Variants in ENOX1 observed in about 807,000 individuals in gnomAD.
ENOX1 encodes candidate growth-related and time keeping constitutive hydroquinone (NADH) oxidase.
Under a neutral mutation model 82.5 loss-of-function variants are expected in ENOX1, and 42 were observed. That is an observed-to-expected ratio of 0.51 (90% CI 0.40 to 0.66). The LOEUF is 0.66. Ranked by LOEUF, ENOX1 falls within the 30% of genes least tolerant of loss-of-function variation. The pLI is 0.00. For synonymous variants in ENOX1, 271 were observed against 282.2 expected (o/e 0.96, Z 0.40); for missense variants, 608 against 811.6 (o/e 0.75, Z 3.05).
In ENOX1 at chr13:43,262,567, C is replaced by T. The variant is rs577003019; in HGVS notation, c.1611+2831G>A. On this transcript the variant is annotated intron_variant, in intron 14 of 16. Coordinates refer to ENST00000690772, the MANE Select transcript of ENOX1 (RefSeq NM_001347969.2). ...GTTGAGACAGGGTCTCGCTCTGTCA[C>T]CTACGTTGGAGTGCAGTGGTGTGAT... 9.9e-5 allele frequency among the ~76,000 whole-genome samples: 15 copies of T among 152,280 alleles called. No individual in the cohort carries two copies. In the East Asian group the frequency reaches 2.1e-3, roughly 22 times the overall value.
intron 2 of ENOX1, among the ~76,000 whole-genome samples, chr13:43,653,332 CT>C (rs2084281477): frequency 6.6e-6 from 1 of 152,178 alleles, no homozygotes; most frequent in African/African-American, 2.4e-5. Flanking sequence ...TTATGCACAA[CT>C]TTTTAAATCC....
At chr13:43,294,618 A>G (rs1276901196) in intron 12 of ENOX1, among the ~76,000 whole-genome samples, 2 of 152,188 alleles carry the variant, frequency 1.3e-5, no homozygotes, top group African/African-American at 4.8e-5. Flanking sequence ...CAACAATCAC[A>G]TTCCTAGGAT....
chr13:43,759,298 A>T (rs571984245), intron 1 of ENOX1, among the ~76,000 whole-genome samples: 1 of 151,978 alleles, frequency 6.6e-6, no homozygotes, highest in East Asian at 1.9e-4. Context: ...CGGTTTCACC[A>T]TGTTGGCCAT....
chr13:43,353,402 C>T (rs2049938168), intron 8 of ENOX1, among the ~76,000 whole-genome samples: 1 of 152,102 alleles, frequency 6.6e-6, no homozygotes, highest in Admixed American at 6.6e-5. Context: ...TGTAATAAAT[C>T]TAAGTAAGAT....
At chr13:43,263,550 C>G (rs17538493) in intron 14 of ENOX1, among the ~76,000 whole-genome samples, 3,794 of 152,322 alleles carry the variant, frequency 0.025, 60 homozygotes, top group Non-Finnish European at 0.042. Flanking sequence ...TCAAAAAGGG[C>G]CTATGGGCTA....
intron 2 of ENOX1, among the ~76,000 whole-genome samples, chr13:43,665,810 AT>A (rs1205561226): frequency 1.3e-5 from 2 of 151,548 alleles, no homozygotes; most frequent in African/African-American, 4.8e-5. Flanking sequence ...TGCCAGCGTA[AT>A]ACCTGCCCAC....
chr13:43,711,483 G>A (rs192865279), intron 1 of ENOX1, among the ~76,000 whole-genome samples: 414 of 152,268 alleles, frequency 2.7e-3, no homozygotes, highest in Admixed American at 5.8e-3. Flanking sequence ...CTAGATCCCT[G>A]AGGAATCACC....
chr13:43,477,524 A>C (rs2058338123), intron 3 of ENOX1, among the ~76,000 whole-genome samples: 1 of 152,174 alleles, frequency 6.6e-6, no homozygotes, highest in Non-Finnish European at 1.5e-5. Context: ...TTCCATCTTC[A>C]GAAAGAGAAA....
intron 10 of ENOX1, among the ~76,000 whole-genome samples, chr13:43,323,111 C>A (rs931098880): frequency 6.6e-6 from 1 of 152,206 alleles, no homozygotes; most frequent in African/African-American, 2.4e-5. Flanking sequence ...CATAGTGCCC[C>A]TGCATGTGTG....
At chr13:43,724,462 T>A (rs367712478) in intron 1 of ENOX1, among the ~76,000 whole-genome samples, 1 of 152,236 alleles carries the variant, frequency 6.6e-6, no homozygotes, top group East Asian at 1.9e-4. Flanking sequence ...CTAGCACCTA[T>A]GCATCCCTCA....
Position 43,290,559 on chromosome 13 carries a change from T to C in ENOX1, c.1446+7787A>G, listed in dbSNP as rs568331138. On this transcript the variant is annotated intron_variant, in intron 12 of 16. Coordinates refer to ENST00000690772, the MANE Select transcript of ENOX1 (RefSeq NM_001347969.2). ...GTGGGAGCTAAACACTGAGTACACATGGACATAAATATGGGAGCGACAGAC... is the reference window on the plus strand; with the variant it reads ...GTGGGAGCTAAACACTGAGTACACACGGACATAAATATGGGAGCGACAGAC... Among the ~76,000 whole-genome samples, 26 of 152,214 alleles carry C rather than the reference T, an allele frequency of 1.7e-4. No homozygotes were observed. The East Asian group carries it at 2.9e-3, about 17-fold the overall frequency.
At chr13:43,396,481 G>A (rs554933575) in intron 5 of ENOX1, among the ~76,000 whole-genome samples, 33 of 152,344 alleles carry the variant, frequency 2.2e-4, no homozygotes, top group African/African-American at 7.2e-4. Flanking sequence ...CCGGGTTCAA[G>A]TGATTCTCCT....
At chr13:43,612,657 A>G (rs1028882715) in intron 2 of ENOX1, among the ~76,000 whole-genome samples, 8 of 152,162 alleles carry the variant, frequency 5.3e-5, no homozygotes, top group African/African-American at 1.9e-4. Flanking sequence ...CCTCCACAAG[A>G]ACTTGTTTCA....
At chr13:43,700,804 G>A (rs2086868013) in intron 1 of ENOX1, among the ~76,000 whole-genome samples, 2 of 152,048 alleles carry the variant, frequency 1.3e-5, no homozygotes, top group South Asian at 4.1e-4. Flanking sequence ...TTTAAGGAGA[G>A]CTGTGTCTTG....
chr13:43,498,630 TA>T (rs1259497162), intron 2 of ENOX1, among the ~76,000 whole-genome samples: 5 of 150,328 alleles, frequency 3.3e-5, no homozygotes, highest in African/African-American at 7.3e-5. Context: ...ATTCTAAATT[TA>T]AAAAAAAAGA....
intron 12 of ENOX1, 64 bp from the exon 13 acceptor site, chr13:43,269,641 C>A (rs1324303362): frequency 8.0e-7 from 1 of 1,246,012 alleles, no homozygotes. Context: ...AAAATATCCA[C>A]AATACCCATT....
chr13:43,720,205 T>G (rs1361903977), intron 1 of ENOX1, among the ~76,000 whole-genome samples: 1 of 152,230 alleles, frequency 6.6e-6, no homozygotes, highest in Non-Finnish European at 1.5e-5. Flanking sequence ...AGCAATGATC[T>G]TATTCAATTT....
intron 1 of ENOX1, among the ~76,000 whole-genome samples, chr13:43,687,539 C>T (rs2086139662): frequency 6.6e-6 from 1 of 152,198 alleles, no homozygotes; most frequent in African/African-American, 2.4e-5. Context: ...CCCTTAATCA[C>T]TTATTTTCTT....
intron 1 of ENOX1, among the ~76,000 whole-genome samples, chr13:43,745,943 C>T (rs1411783910): frequency 6.6e-6 from 1 of 152,154 alleles, no homozygotes; most frequent in African/African-American, 2.4e-5. Flanking sequence ...TCCCAAGTCA[C>T]ACTGAACTGT....
Sources: gnomAD v4.1 joint callset for allele counts (sites outside exome capture counted in the v4.1 genomes callset) on GRCh38, gnomAD v4.1.1 for gene constraint, MANE v1.5 for transcripts, NCBI Gene and HGNC (gene_info 2026-07-23, HGNC 2026-07-21) for gene names.